Variants in CTSD observed in about 807,000 individuals in gnomAD.
The protein encoded by CTSD is ceroid-lipofuscinosis, neuronal 10.
In CTSD, 28 loss-of-function variants were observed where a neutral mutation model predicts 43.6. That is an observed-to-expected ratio of 0.64 (90% confidence interval 0.48 to 0.88). The LOEUF (loss-of-function observed/expected upper bound fraction) is 0.88. Among genes scored for constraint, CTSD ranks in the 40% least tolerant of loss-of-function variants. The pLI is 0.00. For missense variants in CTSD, 485 were observed against 555.2 expected (o/e 0.87, Z 1.27); for synonymous variants, 270 against 249.8 (o/e 1.08, Z -0.76).
Position 1,757,331 on chromosome 11 carries a change from G to C in CTSD, c.697C>G (p.Leu233Val), listed in dbSNP as rs142330967. The C allele has an allele frequency of 6.2e-7, 1 of 1,613,308 alleles. No individual in the cohort carries two copies. Among genetic ancestry groups the C allele is most frequent in the African/African-American group, 1.3e-5 (1 of 74,938 alleles). The change falls in exon 5 of 9, where the codon CTG (leucine) becomes GTG (valine). Residue 233 changes from leucine to valine, a missense_variant. Coordinates refer to ENST00000236671, the MANE Select transcript of CTSD (RefSeq NM_001909.5). ...GGGAACCCACACGCCCACCTGCTCAGGTAGAAGGAGAAGATGTTCTGGTCC... is the reference window on the plus strand; with the variant it reads ...GGGAACCCACACGCCCACCTGCTCACGTAGAAGGAGAAGATGTTCTGGTCC... ...LVDQNIFSFY[L>V]SRDPDAQPGG...
intron 1 of CTSD, 55 bp from the exon 2 acceptor site, chr11:1,761,523 G>A (rs529109482): frequency 6.3e-6 from 10 of 1,582,672 alleles, no homozygotes; most frequent in African/African-American, 1.3e-5. Flanking sequence ...GCCGGCCGAC[G>A]CTGCCAATGC....
chr11:1,759,504 T>A lies in CTSD; in HGVS notation c.352+12A>T. 1.2e-6 allele frequency: 2 copies of A among 1,613,066 alleles called. No homozygotes were observed. Among genetic ancestry groups the A allele is most frequent in the Non-Finnish European group, 1.7e-6 (2 of 1,179,922 alleles). ...CAGGACCTGGGCGACGGGGCCAGGGTTCGTGACTCACAGCAAGCGATGTCC... is the reference window on the plus strand; with the variant it reads ...CAGGACCTGGGCGACGGGGCCAGGGATCGTGACTCACAGCAAGCGATGTCC... On this transcript the variant is annotated intron_variant, in intron 3 of 8. Coordinates refer to ENST00000236671, the MANE Select transcript of CTSD (RefSeq NM_001909.5).
chr11:1,763,770 GC>G, intron 1 of CTSD, 21 bp downstream of exon 1: 2 of 1,522,290 alleles, frequency 1.3e-6, no homozygotes, highest in East Asian at 2.5e-5. Context: ...CCGTCCCTGA[GC>G]CCCGGCCCCT....
In CTSD at chr11:1,763,828, A is replaced by G; in HGVS notation, c.32T>C (p.Leu11Pro). The G allele has an allele frequency of 6.5e-7, 1 of 1,528,308 alleles. No individual in the cohort carries two copies. Among genetic ancestry groups the G allele is most frequent in the Non-Finnish European group, 8.7e-7 (1 of 1,143,256 alleles). 94.7% of individuals were successfully genotyped at this position (1,528,308 alleles called of 1,614,324 possible). A position where few individuals can be genotyped will look rare whatever the true frequency, so the allele number is the denominator to read the frequency against. Residue 11 changes from leucine to proline, a missense_variant, in exon 1 of 9, where the codon CTC becomes CCC. Leu to Pro is a moderately conservative substitution (Grantham distance 98). Transcript: ENST00000236671. The stretch of plus-strand genomic sequence containing the variant: ...GGAGGCGGGTGCAGCCAGCAGGCAG[A>G]GGGCGAGCGGCAGAAGGCTGGAGGG... MQPSSLLPLA[L>P]CLLAAPASAL...
chr11:1,763,899 G>C lies in CTSD; in HGVS notation c.-40C>G. On this transcript the variant is annotated 5_prime_UTR_variant, in exon 1 of 9. Coordinates refer to ENST00000236671, the MANE Select transcript of CTSD (RefSeq NM_001909.5). ...GGTCGGAGAGGGTCGCCGAGGCCGT[G>C]CGCTTATAGCCGGGATGACGCCGCA... is the stretch of plus-strand genomic sequence containing the variant. The C allele has an allele frequency of 1.3e-6, 2 of 1,503,444 alleles. No homozygotes were observed. The highest frequency in any genetic ancestry group is 4.1e-5 in the Admixed American group (2 of 49,156). The allele number at this position is 1,503,444 out of a possible 1,614,324, so 93.1% of individuals were successfully genotyped here. A position where few individuals can be genotyped will look rare whatever the true frequency, so the allele number is the denominator to read the frequency against.
intron 5 of CTSD, 23 bp from the exon 6 acceptor site, chr11:1,755,051 A>G: frequency 6.2e-7 from 1 of 1,613,414 alleles, no homozygotes; most frequent in East Asian, 2.2e-5. Flanking sequence ...GGGAGGAGTC[A>G]GCTGCCACGC....
At chr11:1,759,206 T>C in intron 3 of CTSD, 119 bp from the exon 4 acceptor site, 1 of 955,810 alleles carries the variant, frequency 1.0e-6, no homozygotes, top group Non-Finnish European at 1.7e-6. Flanking sequence ...CTCCCCAGGG[T>C]GGGATTTGGA....
chr11:1,757,399 T>C lies in CTSD; in HGVS notation c.629A>G (p.Asn210Ser), dbSNP rs1845822722. The stretch of plus-strand genomic sequence containing the variant: ...CAGGTTGTCGAAGACGGGCAGCACG[T>C]TGTTGACGGAGATGCGGGGGTAGGC... ...GMAYPRISVN[N>S]VLPVFDNLMQ... Residue 210 changes from asparagine (N) to serine (S), a missense_variant, in exon 5 of 9, where the codon AAC (asparagine) becomes AGC (serine). By Grantham distance (46) the Asn-to-Ser change is conservative (BLOSUM62 1). Transcript: ENST00000236671. The C allele has an allele frequency of 5.6e-6, 9 of 1,614,138 alleles. No homozygotes were observed. The highest frequency in any genetic ancestry group is 7.6e-6 in the Non-Finnish European group (9 of 1,180,020).
chr11:1,753,118 T>G lies in CTSD; in HGVS notation c.*385A>C. 3.1e-6 allele frequency: 1 copy of G among 322,320 alleles called. No homozygotes were observed. Among genetic ancestry groups the G allele is most frequent in the South Asian group, 2.7e-5 (1 of 37,688 alleles). The allele number at this position is 322,320 out of a possible 1,614,324, so 20.0% of individuals were successfully genotyped here. Reference sequence around the variant, plus strand: ...CAAGGGAGGGCCCGGGAGGACGGCCTGGTGTGGGGTAGGGGCTCAGCCCAG... The same window carrying G: ...CAAGGGAGGGCCCGGGAGGACGGCCGGGTGTGGGGTAGGGGCTCAGCCCAG... On this transcript the variant is annotated 3_prime_UTR_variant, in exon 9 of 9. Transcript: ENST00000236671.
chr11:1,753,771 C>T (rs1433510957), intron 8 of CTSD, 32 bp downstream of exon 8: 5 of 1,610,064 alleles, frequency 3.1e-6, no homozygotes, highest in Non-Finnish European at 3.4e-6. Flanking sequence ...GCCCGCTCAC[C>T]TGGGGCGTGC....
chr11:1,753,927 G>A (rs763098224), intron 7 of CTSD, 26 bp from the exon 8 acceptor site: 6 of 1,612,292 alleles, frequency 3.7e-6, no homozygotes, highest in East Asian at 2.2e-5. Context: ...GCAGTGTCAG[G>A]GTGGTAGTGG....
rs554062876 is a variant in CTSD at position 1,753,520 on chromosome 11, C to T, written c.1222G>A (p.Glu408Lys). 17 of 1,612,938 alleles carry T rather than the reference C, an allele frequency of 1.1e-5. No homozygotes were observed. The highest frequency in any genetic ancestry group is 4.5e-5 in the East Asian group (2 of 44,848). The change falls in exon 9 of 9, where the codon GAG (glutamate) becomes AAG (lysine). Residue 408 changes from glutamate (E) to lysine (K), a missense_variant. Coordinates refer to ENST00000236671, the MANE Select transcript of CTSD (RefSeq NM_001909.5). ...DRDNNRVGFA[E>K]AARL ...CTTGGGAACTAGAGGCGGGCAGCCT[C>T]GGCGAAGCCCACCCTGTTGTTGTCA...
intron 4 of CTSD, among the ~76,000 whole-genome samples, chr11:1,758,702 G>T (rs542672467): frequency 6.6e-6 from 1 of 152,164 alleles, no homozygotes; most frequent in African/African-American, 2.4e-5. Flanking sequence ...GAGCCCGATC[G>T]ATCTGCCCTG....
chr11:1,757,935 G>C, intron 4 of CTSD: 1 of 335,988 alleles, frequency 3.0e-6, no homozygotes, highest in South Asian at 2.6e-5. Context: ...CCGAGAGATG[G>C]GGAACCTGCC....
intron 1 of CTSD, chr11:1,762,629 TA>T (rs572266648): frequency 6.6e-6 from 1 of 152,244 alleles, no homozygotes; most frequent in South Asian, 2.1e-4. Flanking sequence ...GAAGCAGGTG[TA>T]ATAGTATCAG....
intron 2 of CTSD, 36 bp from the exon 3 acceptor site, chr11:1,759,675 G>A: frequency 6.3e-7 from 1 of 1,597,230 alleles, no homozygotes; most frequent in South Asian, 1.1e-5. Context: ...GATGGGAGAG[G>A]GGGCCCCATC....
rs375508130 is a variant in CTSD at position 1,754,879 on chromosome 11, G to A, written c.827+27C>T. Reference sequence around the variant, plus strand: ...ACACCGCCCCCGCCCACAGAACCCAGGGGAGCCGACTGCAGCCACTACTCA... The same window carrying A: ...ACACCGCCCCCGCCCACAGAACCCAAGGGAGCCGACTGCAGCCACTACTCA... On this transcript the variant is annotated intron_variant, in intron 6 of 8. Transcript: ENST00000236671. 4 of 1,613,238 alleles carry A rather than the reference G, an allele frequency of 2.5e-6. No individual in the cohort carries two copies. The African/African-American group carries it at 4.0e-5, about 16-fold the overall frequency.
At chr11:1,762,662 G>A (rs1456071788) in intron 1 of CTSD, among the ~76,000 whole-genome samples, 4 of 152,170 alleles carry the variant, frequency 2.6e-5, no homozygotes, top group African/African-American at 4.8e-5. Context: ...CTGGAATCGG[G>A]TGAGGGCTTG....
At chr11:1,753,701 C>A (rs1565018577) in intron 8 of CTSD, 31 bp from the exon 9 acceptor site, 2 of 1,611,404 alleles carry the variant, frequency 1.2e-6, no homozygotes, top group Non-Finnish European at 1.7e-6. Flanking sequence ...AGTACCCAGG[C>A]CTAGCACCAC....
Sources: allele counts gnomAD v4.1 joint callset (sites outside exome capture counted in the v4.1 genomes callset), GRCh38; gene constraint gnomAD v4.1.1; transcripts MANE v1.5; gene names NCBI Gene and HGNC (gene_info 2026-07-23, HGNC 2026-07-21).